The following DNAH9 variants were observed in gnomAD, a reference collection of about 807,000 sequenced individuals.
DNAH9 encodes DNAH9 variant protein.
A neutral mutation model predicts 471.6 loss-of-function variants in DNAH9; 345 were observed. That is an observed-to-expected ratio of 0.73 (90% CI 0.67 to 0.80). The LOEUF is 0.80. Ranked by LOEUF, DNAH9 falls within the 30% of genes least tolerant of loss-of-function variation. DNAH9 has a pLI of 0.00. For missense variants in DNAH9, 5,407 were observed against 5,609.2 expected, an observed-to-expected ratio of 0.96 and a Z score of 1.15; for synonymous variants, 2,093 against 2,123.6, an observed-to-expected ratio of 0.99 and a Z score of 0.40.
At chr17:11,862,339 G>T (rs1288282385) in intron 50 of DNAH9, among the ~76,000 whole-genome samples, 5 of 122,560 alleles carry the variant, frequency 4.1e-5, no homozygotes, top group African/African-American at 1.6e-4. Flanking sequence ...TAGATATGCG[G>T]CGTTATTTCT....
In DNAH9 at chr17:11,904,077, A is replaced by G. The variant is rs1036737358; in HGVS notation, c.11600+1165A>G. Among the ~76,000 whole-genome samples the G allele has an allele frequency of 9.2e-5, 14 of 152,170 alleles. No individual in the cohort carries two copies. The East Asian group carries it at 2.7e-3, about 29-fold the overall frequency. On this transcript the variant is annotated intron_variant, in intron 60 of 68. Coordinates refer to ENST00000262442, the MANE Select transcript of DNAH9 (RefSeq NM_001372.4). ...GAGATGTTCCCATTTGTGTGTCCTAACATTTAAGAAGTTTCCAAGTAATGA... is the reference window on the plus strand; with the variant it reads ...GAGATGTTCCCATTTGTGTGTCCTAGCATTTAAGAAGTTTCCAAGTAATGA...
At chr17:11,862,539 T>G (rs2150978642) in intron 50 of DNAH9, among the ~76,000 whole-genome samples, 1 of 148,412 alleles carries the variant, frequency 6.7e-6, no homozygotes, top group Non-Finnish European at 1.5e-5. Flanking sequence ...TAAAGTAGTT[T>G]TTTCCAATTC....
chr17:11,599,941 A>AG (rs1161248115), intron 1 of DNAH9, among the ~76,000 whole-genome samples: 8 of 152,290 alleles, frequency 5.3e-5, no homozygotes, highest in Middle Eastern at 3.4e-3. Context: ...GACTGGGGTG[A>AG]GGGTAAAGCT....
chr17:11,675,199 A>G (rs943968839), intron 17 of DNAH9, among the ~76,000 whole-genome samples: 20 of 152,076 alleles, frequency 1.3e-4, no homozygotes, highest in African/African-American at 4.6e-4. Context: ...TATATTCCTC[A>G]GTATTTTGTT....
Position 11,652,952 on chromosome 17 carries a change from T to C in DNAH9, c.2545T>C (p.Tyr849His), listed in dbSNP as rs553498087. The C allele has an allele frequency of 1.9e-5, 30 of 1,613,998 alleles. No homozygotes were observed. In the South Asian group the frequency reaches 3.3e-4, roughly 18 times the overall value. ...TGATCGGCATGATCGAATGGAAAAA[T>C]ATTACAATCTCATCAAGGAATCTGG... ...LDDRHDRMEKYYNLIKESGLK... is the reference protein window; with the variant it reads ...LDDRHDRMEKHYNLIKESGLK... Residue 849 changes from tyrosine to histidine, a missense_variant, in exon 14 of 69, where the codon TAT becomes CAT. Transcript: ENST00000262442.
intron 23 of DNAH9, 73 bp from the exon 24 acceptor site, chr17:11,701,047 CTG>C (rs2074584564): frequency 3.1e-5 from 48 of 1,524,684 alleles, no homozygotes; most frequent in Non-Finnish European, 3.7e-5. Flanking sequence ...CTCCCTCAGA[CTG>C]AGTGGAAGAA....
intron 48 of DNAH9, among the ~76,000 whole-genome samples, chr17:11,827,997 T>C: frequency 6.6e-6 from 1 of 152,314 alleles, no homozygotes; most frequent in South Asian, 2.1e-4. Context: ...AGATCACTAT[T>C]GGCTCTGACT....
chr17:11,795,660 C>A (rs999657460), intron 42 of DNAH9, among the ~76,000 whole-genome samples: 2 of 152,214 alleles, frequency 1.3e-5, no homozygotes, highest in Admixed American at 6.5e-5. Flanking sequence ...CTTCTCTGAG[C>A]ATCATAGAGT....
rs77189499 is a variant in DNAH9 at position 11,935,348 on chromosome 17, C to A, written c.12489+1277C>A. ...AAAGTATTCATCTTTGCCTATTTCA[C>A]CTTCCATGGAAAACATTCCAAAAGA... On this transcript the variant is annotated intron_variant, in intron 65 of 68. Coordinates refer to ENST00000262442, the MANE Select transcript of DNAH9 (RefSeq NM_001372.4). 7.7e-3 allele frequency among the ~76,000 whole-genome samples: 1,155 copies of A among 150,538 alleles called. 18 individuals are homozygous for A. Among genetic ancestry groups the A allele is most frequent in the African/African-American group, 0.027 (1,102 of 40,868 alleles).
chr17:11,618,376 A>C (rs2072787972), intron 5 of DNAH9, among the ~76,000 whole-genome samples: 1 of 152,032 alleles, frequency 6.6e-6, no homozygotes, highest in African/African-American at 2.4e-5. Flanking sequence ...TCACGAGGTC[A>C]AGAGATCGAG....
Position 11,733,860 on chromosome 17 carries a change from C to CAAAAAAAA in DNAH9, c.5815-5008_5815-5001dup, listed in dbSNP as rs57515310. On this transcript the variant is annotated intron_variant, in intron 28 of 68. Coordinates refer to ENST00000262442, the MANE Select transcript of DNAH9 (RefSeq NM_001372.4). ...TGGGCAACAGAGCAAGACTCCATCT[C>CAAAAAAAA]AAAAAAAAAAAAAAAAAAAGTAAAA... is the stretch of plus-strand genomic sequence containing the variant. Among the ~76,000 whole-genome samples, 26 of 113,130 alleles carry CAAAAAAAA rather than the reference C, an allele frequency of 2.3e-4. No homozygotes were observed. The South Asian group carries it at 3.5e-3, about 15-fold the overall frequency. 74.2% of individuals were successfully genotyped at this position (113,130 alleles called of 152,430 possible).
intron 57 of DNAH9, among the ~76,000 whole-genome samples, chr17:11,891,085 A>G (rs1240462521): frequency 2.0e-5 from 3 of 152,226 alleles, no homozygotes; most frequent in Non-Finnish European, 4.4e-5. Context: ...ATCTAAGTTT[A>G]AAACAATGGA....
chr17:11,936,095 T>C (rs1304914910), intron 65 of DNAH9, among the ~76,000 whole-genome samples: 2 of 152,208 alleles, frequency 1.3e-5, no homozygotes, highest in African/African-American at 4.8e-5. Context: ...AGGTACACTC[T>C]CTTTCTTATA....
At position 11,669,159 on chromosome 17, in the gene DNAH9, G is replaced by C. The variant is rs2073933581; in HGVS notation, c.2827G>C (p.Gly943Arg). Residue 943 changes from glycine to arginine, a missense_variant, in exon 16 of 69, where the codon GGG (glycine) becomes CGG (arginine). Physicochemically the swap from Gly to Arg is moderately radical, Grantham distance 125 (BLOSUM62 -2). Around this residue, in one of 3 missense-constraint regions of DNAH9, gnomAD observed 4,636 missense variants for 4,900.3 expected, o/e 0.95. Coordinates refer to ENST00000262442, the MANE Select transcript of DNAH9 (RefSeq NM_001372.4). The part of the protein sequence containing the change: ...FYPSLESGVK[G>R]GFCDIVEGLI... ...TCCGTCTCTGGAGTCTGGAGTGAAGGGGGGTTTCTGTGACATTGTTGAGGG... is the reference window on the plus strand; with the variant it reads ...TCCGTCTCTGGAGTCTGGAGTGAAGCGGGGTTTCTGTGACATTGTTGAGGG... The C allele has an allele frequency of 6.2e-7, 1 of 1,613,638 alleles. No homozygotes were observed. Among genetic ancestry groups the C allele is most frequent in the Non-Finnish European group, 8.5e-7 (1 of 1,179,732 alleles).
chr17:11,881,478 G>A, intron 55 of DNAH9, 65 bp downstream of exon 55: 4 of 1,502,190 alleles, frequency 2.7e-6, no homozygotes, highest in Non-Finnish European at 3.6e-6. Context: ...TCTGGGAGAG[G>A]TTGCAGAGGG....
Position 11,869,169 on chromosome 17 carries a change from G to C in DNAH9, c.9969G>C (p.Arg3323Ser), listed in dbSNP as rs761706308. ...AAAACCTGGCAAAGCTCACAGCCAGGTTTGAGAAAGCAACAGCAGACAAAC... is the reference window on the plus strand; with the variant it reads ...AAAACCTGGCAAAGCTCACAGCCAGCTTTGAGAAAGCAACAGCAGACAAAC... ...LNENLAKLTARFEKATADKLK... is the reference protein window; with the variant it reads ...LNENLAKLTASFEKATADKLK... The change falls in exon 51 of 69, where the codon AGG (arginine) becomes AGC (serine). Residue 3323 changes from arginine (R) to serine (S), a missense_variant. This residue lies in a region of DNAH9 where 4,636 missense variants were observed against 4,900.3 expected (regional missense o/e 0.95). Transcript: ENST00000262442. The C allele has an allele frequency of 6.2e-7, 1 of 1,613,746 alleles. No individual in the cohort carries two copies. Among genetic ancestry groups the C allele is most frequent in the South Asian group, 1.1e-5 (1 of 91,036 alleles).
Position 11,675,632 on chromosome 17 carries a change from G to T in DNAH9, c.3354-4125G>T, listed in dbSNP as rs553041184. The stretch of plus-strand genomic sequence containing the variant: ...TTCCCTTCTATTTCTAATTTGTTAG[G>T]AGTATTTAGCATAAATGGATGTAAA... On this transcript the variant is annotated intron_variant, in intron 17 of 68. Transcript: ENST00000262442. 1.2e-4 allele frequency among the ~76,000 whole-genome samples: 18 copies of T among 152,134 alleles called. No individual in the cohort carries two copies. The South Asian group carries it at 2.3e-3, about 19-fold the overall frequency.
chr17:11,830,611 G>A (rs1420311855), intron 48 of DNAH9, among the ~76,000 whole-genome samples: 1 of 152,042 alleles, frequency 6.6e-6, no homozygotes, highest in Non-Finnish European at 1.5e-5. Context: ...GGGACGGGTG[G>A]GAAAATAGAG....
At chr17:11,837,421 A>G (rs2150955889) in intron 49 of DNAH9, among the ~76,000 whole-genome samples, 1 of 152,306 alleles carries the variant, frequency 6.6e-6, no homozygotes, top group East Asian at 1.9e-4. Context: ...GAAAACAGGA[A>G]TTAACAGGTT....
Sources: gnomAD v4.1 joint callset for allele counts (sites outside exome capture counted in the v4.1 genomes callset) on GRCh38, gnomAD v4.1.1 for gene constraint, gnomAD v4.1.1 regional missense constraint, MANE v1.5 for transcripts, NCBI Gene and HGNC (gene_info 2026-07-23, HGNC 2026-07-21) for gene names.